The following PTPRD variants were observed in gnomAD, a reference collection of about 807,000 sequenced individuals.
PTPRD encodes the protein protein tyrosine phosphatase receptor type D, also known as receptor-type tyrosine-protein phosphatase delta.
In PTPRD, 34 loss-of-function variants were observed where a neutral mutation model predicts 214.5. That is an observed-to-expected ratio of 0.16 (90% confidence interval 0.12 to 0.21). The LOEUF is 0.21. Ranked by LOEUF, PTPRD falls within the 10% of genes least tolerant of loss-of-function variation. PTPRD has a pLI of 1.00. For missense variants in PTPRD, 2,545 were observed against 2,398.7 expected (o/e 1.06, Z -1.27); for synonymous variants, 1,128 against 845.7 (o/e 1.33, Z -5.79).
At chr9:9,909,680 T>C (rs533781538) in intron 5 of PTPRD, among the ~76,000 whole-genome samples, 33 of 152,090 alleles carry the variant, frequency 2.2e-4, no homozygotes, top group African/African-American at 7.5e-4. Context: ...CTTTTCTTTA[T>C]AGTGCATTTA....
chr9:10,491,747 A>C (rs576924646), intron 2 of PTPRD, among the ~76,000 whole-genome samples: 2 of 151,604 alleles, frequency 1.3e-5, no homozygotes, highest in African/African-American at 4.8e-5. Context: ...AAGTTCCGGG[A>C]TATATGTGCA....
In PTPRD at chr9:8,673,809, T is replaced by C. The variant is rs192205459; in HGVS notation, c.65-36965A>G. ...AAGTAGTGTTTCTCAACTTTGGTGC[T>C]ATTGACATTGGGGGCTGCATGATTT... On this transcript the variant is annotated intron_variant, in intron 12 of 45. Coordinates refer to ENST00000381196, the MANE Select transcript of PTPRD (RefSeq NM_002839.4). 9.2e-5 allele frequency among the ~76,000 whole-genome samples: 14 copies of C among 152,320 alleles called. No individual in the cohort carries two copies. In the East Asian group the frequency reaches 2.5e-3, roughly 27 times the overall value.
At chr9:8,544,014 C>T (rs1476752035) in intron 14 of PTPRD, among the ~76,000 whole-genome samples, 2 of 151,724 alleles carry the variant, frequency 1.3e-5, no homozygotes, top group Non-Finnish European at 2.9e-5. Flanking sequence ...CTGGCCAAAA[C>T]ATTTTAAATT....
At chr9:8,398,506 AAC>A (rs1291991510) in intron 36 of PTPRD, among the ~76,000 whole-genome samples, 1 of 152,170 alleles carries the variant, frequency 6.6e-6, no homozygotes. Context: ...AGAAAAAAAT[AAC>A]ACACTGCTCT....
At chr9:10,396,617 C>T (rs2098175558) in intron 2 of PTPRD, among the ~76,000 whole-genome samples, 1 of 151,948 alleles carries the variant, frequency 6.6e-6, no homozygotes, top group African/African-American at 2.4e-5. Context: ...CTGGTTAGCT[C>T]TTAGACACCT....
In PTPRD at chr9:8,369,877, C is replaced by A. The variant is rs151226294; in HGVS notation, c.4661+6059G>T. On this transcript the variant is annotated intron_variant, in intron 39 of 45. Coordinates refer to ENST00000381196, the MANE Select transcript of PTPRD (RefSeq NM_002839.4). ...GATTCACTGAAATTACAGCTTTTTCCCAATGTATTCATTCCTAACAAATGC... is the reference window on the plus strand; with the variant it reads ...GATTCACTGAAATTACAGCTTTTTCACAATGTATTCATTCCTAACAAATGC... Among the ~76,000 whole-genome samples, 64 of 151,850 alleles carry A rather than the reference C, an allele frequency of 4.2e-4. 1 individual carries two copies. In the East Asian group the frequency reaches 0.012, roughly 28 times the overall value.
intron 2 of PTPRD, among the ~76,000 whole-genome samples, chr9:10,496,421 C>T (rs1566516680): frequency 7.1e-6 from 1 of 140,440 alleles, no homozygotes; most frequent in East Asian, 2.3e-4. Flanking sequence ...ATTTATTAAA[C>T]TATTTAGCAG....
chr9:8,597,273 G>T (rs1456252880), intron 14 of PTPRD, among the ~76,000 whole-genome samples: 1 of 152,066 alleles, frequency 6.6e-6, no homozygotes, highest in Non-Finnish European at 1.5e-5. Flanking sequence ...GGAAAGAAAT[G>T]AGACAAAATA....
At chr9:9,107,922 A>G (rs2099800966) in intron 10 of PTPRD, among the ~76,000 whole-genome samples, 1 of 152,114 alleles carries the variant, frequency 6.6e-6, no homozygotes, top group Non-Finnish European at 1.5e-5. Flanking sequence ...AATCTGGTTT[A>G]AATGTTCTTC....
intron 10 of PTPRD, among the ~76,000 whole-genome samples, chr9:9,080,724 G>T (rs1008218136): frequency 6.6e-6 from 1 of 151,996 alleles, no homozygotes; most frequent in Non-Finnish European, 1.5e-5. Context: ...ATGTTCCCTT[G>T]GGAGGGTGTA....
At chr9:9,384,933 T>C (rs10977708) in intron 9 of PTPRD, among the ~76,000 whole-genome samples, 35,575 of 151,954 alleles carry the variant, frequency 0.23, 4,234 homozygotes, top group Middle Eastern at 0.37. Flanking sequence ...TCATAGTATC[T>C]CTCATAATTG....
At chr9:10,067,681 C>A (rs1181893931) in intron 3 of PTPRD, among the ~76,000 whole-genome samples, 2 of 151,808 alleles carry the variant, frequency 1.3e-5, no homozygotes, top group Non-Finnish European at 2.9e-5. Flanking sequence ...AAGGTCACCC[C>A]ATTATAATGG....
At chr9:9,528,290 T>C (rs1318563135) in intron 8 of PTPRD, among the ~76,000 whole-genome samples, 1 of 152,102 alleles carries the variant, frequency 6.6e-6, no homozygotes, top group African/African-American at 2.4e-5. Flanking sequence ...AGTAAAAATA[T>C]TCCTGGAACT....
intron 8 of PTPRD, among the ~76,000 whole-genome samples, chr9:9,485,723 C>A (rs2095601220): frequency 6.6e-6 from 1 of 152,132 alleles, no homozygotes. Context: ...AGACTTATTT[C>A]TCCAAATTTA....
intron 7 of PTPRD, among the ~76,000 whole-genome samples, chr9:9,650,349 G>A (rs1006983308): frequency 6.6e-6 from 1 of 152,080 alleles, no homozygotes; most frequent in East Asian, 1.9e-4. Flanking sequence ...TGTGAAAATG[G>A]ACTAATGCAG....
intron 21 of PTPRD, among the ~76,000 whole-genome samples, chr9:8,508,842 T>G (rs2097596001): frequency 6.6e-6 from 1 of 151,962 alleles, no homozygotes; most frequent in African/African-American, 2.4e-5. Context: ...AATGATAATT[T>G]TATTCCTCTG....
At chr9:9,966,629 G>A (rs1285828695) in intron 4 of PTPRD, among the ~76,000 whole-genome samples, 2 of 152,102 alleles carry the variant, frequency 1.3e-5, no homozygotes, top group Non-Finnish European at 2.9e-5. Context: ...ATTGAGCTGT[G>A]CAAACTGTTT....
At chr9:8,375,407 T>C (rs1383246396) in intron 39 of PTPRD, among the ~76,000 whole-genome samples, 1 of 152,074 alleles carries the variant, frequency 6.6e-6, no homozygotes, top group Non-Finnish European at 1.5e-5. Context: ...ATATATTCTA[T>C]TAAATACATT....
chr9:10,200,691 A>G (rs1363891665), intron 3 of PTPRD, among the ~76,000 whole-genome samples: 1 of 152,110 alleles, frequency 6.6e-6, no homozygotes, highest in Non-Finnish European at 1.5e-5. Flanking sequence ...ACTTAGAAGT[A>G]AACAGTTACA....
Sources: allele counts gnomAD v4.1 joint callset (sites outside exome capture counted in the v4.1 genomes callset), GRCh38; gene constraint gnomAD v4.1.1; transcripts MANE v1.5; gene names NCBI Gene and HGNC (gene_info 2026-07-23, HGNC 2026-07-21).